Variants in NRG4 observed in about 807,000 individuals in gnomAD.
The protein encoded by NRG4 is pro-neuregulin-4, membrane-bound isoform.
Under a neutral mutation model 15.0 loss-of-function variants are expected in NRG4, and 10 were observed. The ratio of observed to expected loss-of-function variants is 0.67; its 90% CI spans 0.41 to 1.13. NRG4 has a LOEUF of 1.13. Among genes scored for constraint, NRG4 ranks in the 50% most tolerant of loss-of-function variants. NRG4 has a pLI of 0.00. For synonymous variants in NRG4, 41 were observed against 50.1 expected (o/e 0.82, Z 0.77); for missense variants, 139 against 140.2 (o/e 0.99, Z 0.04).
chr15:75,958,569 G>C (rs2032358953), intron 4 of NRG4, among the ~76,000 whole-genome samples: 1 of 152,120 alleles, frequency 6.6e-6, no homozygotes, highest in Non-Finnish European at 1.5e-5. Flanking sequence ...GACATTACCA[G>C]CCTAGATTAT....
At chr15:75,967,112 C>CAAA (rs1300663699) in intron 3 of NRG4, among the ~76,000 whole-genome samples, 29 of 51,048 alleles carry the variant, frequency 5.7e-4, no homozygotes, top group African/African-American at 1.7e-3. Context: ...GACTCCGTCT[C>CAAA]AAAAAAAAAA....
intron 3 of NRG4, among the ~76,000 whole-genome samples, chr15:75,996,643 T>C (rs1332874226): frequency 1.3e-5 from 2 of 152,180 alleles, no homozygotes; most frequent in Non-Finnish European, 2.9e-5. Flanking sequence ...CCATTTATTT[T>C]TATAGCAACT....
chr15:75,956,655 G>C (rs2032257786), intron 4 of NRG4, among the ~76,000 whole-genome samples: 1 of 152,124 alleles, frequency 6.6e-6, no homozygotes, highest in African/African-American at 2.4e-5. Flanking sequence ...AAGCATACTT[G>C]CTCCTATTCC....
chr15:75,968,064 C>A (rs1595966711), intron 3 of NRG4, among the ~76,000 whole-genome samples: 1 of 152,192 alleles, frequency 6.6e-6, no homozygotes, highest in Non-Finnish European at 1.5e-5. Flanking sequence ...AAAAACATGA[C>A]CCTCATTACT....
At chr15:75,972,136 T>C (rs575726939) in intron 3 of NRG4, among the ~76,000 whole-genome samples, 1 of 152,378 alleles carries the variant, frequency 6.6e-6, no homozygotes, top group East Asian at 1.9e-4. Context: ...TGAGCCTTTT[T>C]TCATATGTTT....
rs527898692 is a variant in NRG4, at chr15:76,041,994, A to G, written c.-104-6003T>C. Among the ~76,000 whole-genome samples, 187 of 152,300 alleles carry G rather than the reference A, an allele frequency of 1.2e-3. 1 individual carries two copies. The highest frequency in any genetic ancestry group is 4.2e-3 in the African/African-American group (174 of 41,584). The stretch of plus-strand genomic sequence containing the variant: ...ATATCAAACATCTTTTCTGACCACA[A>G]TGGAATAAAACTAGAAATCAATAAT... On this transcript the variant is annotated intron_variant, in intron 4 of 8. Transcript: ENST00000563910.
intron 3 of NRG4, among the ~76,000 whole-genome samples, chr15:75,982,211 G>A (rs1472804822): frequency 1.3e-5 from 2 of 152,226 alleles, no homozygotes; most frequent in East Asian, 1.9e-4. Flanking sequence ...TAAGAAAACC[G>A]TAGGTCATTC....
At chr15:76,007,881 ATGACCT>A (rs1290385258) in intron 3 of NRG4, among the ~76,000 whole-genome samples, 2 of 152,204 alleles carry the variant, frequency 1.3e-5, no homozygotes, top group African/African-American at 4.8e-5. Context: ...TCCCAGCTAT[ATGACCT>A]TTGGCATGTC....
intron 5 of NRG4, among the ~76,000 whole-genome samples, 194 bp from the exon 6 acceptor site, chr15:75,943,848 A>G (rs1283037918): frequency 6.6e-6 from 1 of 152,140 alleles, no homozygotes; most frequent in Admixed American, 6.5e-5. Flanking sequence ...CAGAACACTG[A>G]GTTCTGTCAG....
intron 5 of NRG4, among the ~76,000 whole-genome samples, chr15:75,946,686 T>C (rs1480302329): frequency 1.3e-5 from 2 of 152,184 alleles, no homozygotes; most frequent in African/African-American, 4.8e-5. Context: ...CATCGTAAAC[T>C]GAAACTCTAC....
chr15:75,967,779 TA>T (rs1487607865), intron 3 of NRG4, among the ~76,000 whole-genome samples: 3 of 152,052 alleles, frequency 2.0e-5, no homozygotes, highest in Non-Finnish European at 2.9e-5. Flanking sequence ...CTGATTCTTT[TA>T]AGATTGACTG....
chr15:76,024,463 C>T (rs772772886), intron 5 of NRG4, among the ~76,000 whole-genome samples: 2 of 152,212 alleles, frequency 1.3e-5, no homozygotes, highest in East Asian at 1.9e-4. Context: ...AACAGCCACC[C>T]GGGATACCCC....
At chr15:76,027,949 A>C (rs2035359682) in intron 5 of NRG4, among the ~76,000 whole-genome samples, 1 of 152,190 alleles carries the variant, frequency 6.6e-6, no homozygotes, top group African/African-American at 2.4e-5. Flanking sequence ...GAAAATAAGG[A>C]AATCAGAAAG....
intron 3 of NRG4, among the ~76,000 whole-genome samples, chr15:75,993,955 A>G (rs1185082130): frequency 6.6e-6 from 1 of 152,132 alleles, no homozygotes; most frequent in African/African-American, 2.4e-5. Context: ...ATTTAAAATT[A>G]TTATCTGCTA....
chr15:76,026,057 A>G (rs143190567), intron 5 of NRG4, among the ~76,000 whole-genome samples: 26 of 152,272 alleles, frequency 1.7e-4, no homozygotes, highest in African/African-American at 3.9e-4. Context: ...TATTTGCATT[A>G]TGGGCATTCC....
chr15:75,955,488 G>A (rs1345920072), intron 5 of NRG4, among the ~76,000 whole-genome samples: 1 of 152,058 alleles, frequency 6.6e-6, no homozygotes, highest in Non-Finnish European at 1.5e-5. Flanking sequence ...GTTTTAAGTA[G>A]AAGGAAATAA....
At chr15:75,951,542 G>A (rs1393847128) in intron 5 of NRG4, among the ~76,000 whole-genome samples, 1 of 152,152 alleles carries the variant, frequency 6.6e-6, no homozygotes, top group Non-Finnish European at 1.5e-5. Flanking sequence ...ATTTCTTGCA[G>A]ATAGCATATC....
chr15:76,047,909 T>C (rs975670241), intron 4 of NRG4, among the ~76,000 whole-genome samples: 3 of 150,992 alleles, frequency 2.0e-5, no homozygotes, highest in Admixed American at 6.6e-5. Context: ...CAATCCCAGC[T>C]ACTTGGGAGG....
chr15:76,024,177 C>A (rs1032634048), intron 5 of NRG4, among the ~76,000 whole-genome samples: 2 of 152,250 alleles, frequency 1.3e-5, no homozygotes, highest in African/African-American at 4.8e-5. Context: ...AACAGCCCTG[C>A]AGGCTGCCCC....
Sources: allele counts gnomAD v4.1 joint callset (sites outside exome capture counted in the v4.1 genomes callset), GRCh38; gene constraint gnomAD v4.1.1; transcripts MANE v1.5; gene names NCBI Gene and HGNC (gene_info 2026-07-23, HGNC 2026-07-21).